LRP5: variants seen among roughly 807,000 people sequenced by gnomAD.
The protein encoded by LRP5 is LDL receptor related protein 5.
LRP5 carries 62 observed loss-of-function variants against 154.1 expected under a neutral mutation model. The ratio of observed to expected loss-of-function variants is 0.40; its 90% CI spans 0.33 to 0.50. The LOEUF (loss-of-function observed/expected upper bound fraction) is 0.50, where lower values mean the gene tolerates loss of function less well. Ranked by LOEUF, LRP5 falls within the 20% of genes least tolerant of loss-of-function variation. The pLI is 0.55. For missense variants in LRP5, 1,915 were observed against 2,336.7 expected, an observed-to-expected ratio of 0.82 and a Z score of 3.72; for synonymous variants, 966 against 1,011.5, an observed-to-expected ratio of 0.96 and a Z score of 0.85.
rs773516415 is a variant in LRP5, at chr11:68,406,685, A to G, written c.1963A>G (p.Ile655Val). The change falls in exon 9 of 23, where the codon ATC becomes GTC. Residue 655 changes from isoleucine to valine, a missense_variant. Coordinates refer to ENST00000294304, the MANE Select transcript of LRP5 (RefSeq NM_002335.4). ...CTTGGTCTTCACCAGCAGAGCCGCC[A>G]TCCACAGGATCTCCCTCGAGACCAA... ...AFLVFTSRAAIHRISLETNNN... is the reference protein window; with the variant it reads ...AFLVFTSRAAVHRISLETNNN... The G allele has an allele frequency of 6.2e-7, 1 of 1,614,208 alleles. No homozygotes were observed. The highest frequency in any genetic ancestry group is 8.5e-7 in the Non-Finnish European group (1 of 1,180,048).
chr11:68,359,825 C>A (rs2098626221), intron 3 of LRP5, among the ~76,000 whole-genome samples: 1 of 146,622 alleles, frequency 6.8e-6, no homozygotes, highest in South Asian at 2.1e-4. Flanking sequence ...CTTGCTCTGT[C>A]CCCCTGGCTG....
At chr11:68,320,558 T>C (rs2098596172) in intron 1 of LRP5, among the ~76,000 whole-genome samples, 1 of 151,186 alleles carries the variant, frequency 6.6e-6, no homozygotes, top group Non-Finnish European at 1.5e-5. Flanking sequence ...GCCTCCCGGG[T>C]TCCAGCTGTT....
intron 3 of LRP5, among the ~76,000 whole-genome samples, chr11:68,360,318 G>T (rs1419719951): frequency 1.3e-5 from 2 of 152,190 alleles, no homozygotes; most frequent in African/African-American, 2.4e-5. Flanking sequence ...TGCCTAGCCT[G>T]TGTTTGCTAT....
At chr11:68,434,670 G>A (rs966168452) in intron 18 of LRP5, among the ~76,000 whole-genome samples, 2 of 152,168 alleles carry the variant, frequency 1.3e-5, no homozygotes, top group South Asian at 2.1e-4. Flanking sequence ...ATGAGCCACC[G>A]CGCCCGGCCT....
chr11:68,326,044 G>A (rs2098599444), intron 1 of LRP5, among the ~76,000 whole-genome samples: 2 of 152,226 alleles, frequency 1.3e-5, no homozygotes, highest in African/African-American at 4.8e-5. Context: ...TGGCCTGGTG[G>A]CCTGTGGGTT....
chr11:68,322,853 G>C (rs1157011082), intron 1 of LRP5, among the ~76,000 whole-genome samples: 2 of 152,222 alleles, frequency 1.3e-5, no homozygotes, highest in Admixed American at 1.3e-4. Context: ...CCTGCAGTAA[G>C]AGCCCATATT....
intron 9 of LRP5, among the ~76,000 whole-genome samples, chr11:68,408,746 A>G (rs1205785414): frequency 6.6e-6 from 1 of 151,716 alleles, no homozygotes; most frequent in Non-Finnish European, 1.5e-5. Flanking sequence ...CTGTTCTTTT[A>G]TTTTGCGTGT....
chr11:68,299,432 C>T, the LRP5 span, among the ~76,000 whole-genome samples: 14 of 151,920 alleles, frequency 9.2e-5, no homozygotes, highest in South Asian at 2.1e-3. Context: ...GAGGTGAGGG[C>T]GGGAGGCAGC....
intron 22 of LRP5, 34 bp from the exon 23 acceptor site, chr11:68,448,775 C>T (rs1463841170): frequency 6.2e-7 from 1 of 1,600,418 alleles, no homozygotes; most frequent in Admixed American, 1.7e-5. Context: ...GATGTGCCTA[C>T]CGAATCCCAC....
chr11:68,386,728 G>T lies in LRP5; in HGVS notation c.1412+16G>T. The T allele has an allele frequency of 6.2e-7, 1 of 1,608,414 alleles. No homozygotes were observed. The highest frequency in any genetic ancestry group is 1.3e-5 in the African/African-American group (1 of 75,004). ...CCGTGATGGGGTAAGACGGGCGGGG[G>T]CTGGGGCCTGGAGCCAGGGCCAGGC... is the stretch of plus-strand genomic sequence containing the variant. On this transcript the variant is annotated intron_variant, in intron 6 of 22. Coordinates refer to ENST00000294304, the MANE Select transcript of LRP5 (RefSeq NM_002335.4). This position sits in a 1 kb window ranked among gnomAD's most constrained non-coding sequence, Gnocchi z 7.9.
chr11:68,331,727 A>G (rs1407795568), intron 1 of LRP5, among the ~76,000 whole-genome samples: 2 of 149,546 alleles, frequency 1.3e-5, no homozygotes, highest in Non-Finnish European at 3.0e-5. Context: ...TCAGTCAATT[A>G]TGGTTTTCCT....
At chr11:68,397,730 C>T (rs2098650222) in intron 7 of LRP5, among the ~76,000 whole-genome samples, 1 of 152,252 alleles carries the variant, frequency 6.6e-6, no homozygotes, top group Admixed American at 6.5e-5. Flanking sequence ...CTCTGAGGTC[C>T]AGCCTGAGTT....
chr11:68,372,503 T>TGGCGGCAAGGAGG (rs1565353690), intron 5 of LRP5, among the ~76,000 whole-genome samples: 2 of 47,946 alleles, frequency 4.2e-5, no homozygotes, highest in Admixed American at 2.6e-4. Context: ...GACCGGGGAC[T>TGGCGGCAAGGAGG]TGGAGCACCT....
intron 18 of LRP5, 48 bp from the exon 19 acceptor site, chr11:68,436,840 GC>G (rs1441732794): frequency 7.1e-7 from 1 of 1,408,978 alleles, no homozygotes; most frequent in Non-Finnish European, 1.0e-6. Flanking sequence ...TGCATGGTGG[GC>G]TGGGGGGCAC....
At chr11:68,329,224 A>G (rs1158562117) in intron 1 of LRP5, among the ~76,000 whole-genome samples, 1 of 152,224 alleles carries the variant, frequency 6.6e-6, no homozygotes, top group Non-Finnish European at 1.5e-5. Flanking sequence ...AACACCCAAG[A>G]TATAAAATCT....
rs939224907 is a variant in LRP5 at position 68,376,283 on chromosome 11, G to T, written c.1016-10033G>T. On this transcript the variant is annotated intron_variant, in intron 5 of 22. Transcript: ENST00000294304. ...TGCAACCTCTGCCTGCTGAGCTCAA[G>T]CGATTATCCTGCCTCAGCCTCCCGA... is the stretch of plus-strand genomic sequence containing the variant. Among the ~76,000 whole-genome samples the T allele has an allele frequency of 8.0e-5, 12 of 150,906 alleles. 1 individual carries two copies. Among genetic ancestry groups the T allele is most frequent in the African/African-American group, 2.7e-4 (11 of 41,082 alleles).
intron 5 of LRP5, 141 bp downstream of exon 5, chr11:68,365,843 T>G (rs929156049): frequency 1.2e-6 from 1 of 855,154 alleles, no homozygotes; most frequent in Non-Finnish European, 1.8e-6. Flanking sequence ...GATTCAAGTC[T>G]GTGGTCCCAG....
At chr11:68,392,869 G>A (rs1330315425) in intron 7 of LRP5, among the ~76,000 whole-genome samples, 2 of 152,134 alleles carry the variant, frequency 1.3e-5, no homozygotes, top group Non-Finnish European at 2.9e-5. Context: ...GGTTAGGCCT[G>A]TAATCCTAAC....
chr11:68,398,683 G>GAAAATTATATGGAATTCAAAAAAAA, intron 7 of LRP5, among the ~76,000 whole-genome samples: 2 of 148,892 alleles, frequency 1.3e-5, no homozygotes, highest in African/African-American at 4.9e-5. Context: ...CATGACCCAT[G>GAAAATTATATGGAATTCAAAAAAAA]AAAATTATAT....
Sources: gnomAD v4.1 joint callset for allele counts (sites outside exome capture counted in the v4.1 genomes callset) on GRCh38, gnomAD v4.1.1 for gene constraint, Gnocchi (gnomAD v3.1) non-coding constraint, MANE v1.5 for transcripts, NCBI Gene and HGNC (gene_info 2026-07-23, HGNC 2026-07-21) for gene names.